CLASP1: variants seen among roughly 807,000 people sequenced by gnomAD.
The protein encoded by CLASP1 is cytoplasmic linker associated protein 1, also known as CLIP-associating protein 1.
In CLASP1, 38 loss-of-function variants were observed where a neutral mutation model predicts 192.3. The observed-to-expected ratio is 0.20, with a 90% confidence interval of 0.15 to 0.26. The LOEUF is 0.26. Among genes scored for constraint, CLASP1 ranks in the 10% least tolerant of loss-of-function variants. The pLI is 1.00. For missense variants in CLASP1, 1,433 were observed against 1,932.5 expected (o/e 0.74, Z 4.85); for synonymous variants, 691 against 712.8 (o/e 0.97, Z 0.49).
intron 2 of CLASP1, among the ~76,000 whole-genome samples, chr2:121,553,273 T>C (rs2058208883): frequency 6.6e-6 from 1 of 152,162 alleles, no homozygotes; most frequent in African/African-American, 2.4e-5. Context: ...TGAAATAATC[T>C]GTACAACAAA....
chr2:121,482,486 A>C (rs917639002), intron 8 of CLASP1, among the ~76,000 whole-genome samples: 4 of 152,218 alleles, frequency 2.6e-5, no homozygotes, highest in Non-Finnish European at 4.4e-5. Flanking sequence ...AGTGACTAAG[A>C]TCAGTCTTGA....
At chr2:121,550,066 A>T (rs973562362) in intron 2 of CLASP1, among the ~76,000 whole-genome samples, 1 of 151,884 alleles carries the variant, frequency 6.6e-6, no homozygotes, top group African/African-American at 2.4e-5. Context: ...ACCACAGCAC[A>T]TTAAAAATAG....
Position 121,456,781 on chromosome 2 carries a change from C to T in CLASP1, c.1385+906G>A, listed in dbSNP as rs181583943. 2.7e-3 allele frequency among the ~76,000 whole-genome samples: 404 copies of T among 152,168 alleles called. 1 individual carries two copies. Among genetic ancestry groups the T allele is most frequent in the African/African-American group, 9.5e-3 (396 of 41,526 alleles). On this transcript the variant is annotated intron_variant, in intron 14 of 39. Coordinates refer to ENST00000263710, the Ensembl canonical transcript of CLASP1. ...AAACGGCTGGCAAAGGTCATCTGGG[C>T]TCTAAATCTTAAGAGTGAAGGACTC...
chr2:121,594,475 C>G (rs2062871115), intron 2 of CLASP1, among the ~76,000 whole-genome samples: 1 of 151,070 alleles, frequency 6.6e-6, no homozygotes, highest in African/African-American at 2.4e-5. Context: ...TCACTGCAAC[C>G]TCCGCCTCCC....
chr2:121,590,302 G>C (rs868484593), intron 2 of CLASP1, among the ~76,000 whole-genome samples: 2 of 152,178 alleles, frequency 1.3e-5, no homozygotes, highest in African/African-American at 4.8e-5. Context: ...GCAGAAACAC[G>C]TATGTACAGG....
At position 121,460,186 on chromosome 2, in the gene CLASP1, C is replaced by G; in HGVS notation, c.1033-61G>C. The G allele has an allele frequency of 3.8e-6, 5 of 1,313,068 alleles. No individual in the cohort carries two copies. In the Admixed American group the frequency reaches 1.1e-4, roughly 29 times the overall value. 81.3% of individuals were successfully genotyped at this position (1,313,068 alleles called of 1,614,324 possible). On this transcript the variant is annotated intron_variant, in intron 11 of 39. Transcript: ENST00000263710. ...CAATTCTAACACAGACTATACACAA[C>G]AAAAGAAGTCATCAAATACAAAAGA...
Position 121,402,557 on chromosome 2 carries a change from C to G in CLASP1, c.2734-687G>C, listed in dbSNP as rs779206473. The G allele has an allele frequency of 5.8e-6, 3 of 514,518 alleles. No homozygotes were observed. The Admixed American group carries it at 5.9e-5, about 10-fold the overall frequency. The allele number at this position is 514,518 out of a possible 1,614,324, so 31.9% of individuals were successfully genotyped here. A position where few individuals can be genotyped will look rare whatever the true frequency, so the allele number is the denominator to read the frequency against. On this transcript the variant is annotated intron_variant, in intron 26 of 39. Transcript: ENST00000263710. ...GATTCCTGGCTTCACTTACAGGCAG[C>G]TAACAAATACTAACTAAACTGAGAC...
chr2:121,436,230 C>T (rs1417108578), intron 19 of CLASP1, among the ~76,000 whole-genome samples: 1 of 152,020 alleles, frequency 6.6e-6, no homozygotes, highest in East Asian at 1.9e-4. Flanking sequence ...CAGGGTTTTG[C>T]CATGTTGGCC....
chr2:121,488,781 G>A (rs1320692912), intron 8 of CLASP1, among the ~76,000 whole-genome samples: 2 of 152,150 alleles, frequency 1.3e-5, no homozygotes, highest in African/African-American at 4.8e-5. Context: ...ATTAATACAT[G>A]ATTCAGACAT....
chr2:121,531,101 G>C (rs1052418597), intron 2 of CLASP1: 5 of 649,424 alleles, frequency 7.7e-6, no homozygotes, highest in Non-Finnish European at 1.4e-5. Flanking sequence ...GGGTGCACAA[G>C]ACGCGTGGTT....
intron 11 of CLASP1, among the ~76,000 whole-genome samples, chr2:121,460,838 G>A (rs1323071191): frequency 6.6e-6 from 1 of 152,174 alleles, no homozygotes; most frequent in East Asian, 1.9e-4. Flanking sequence ...CTGCTAAGGT[G>A]AGAGTGGAGA....
At chr2:121,628,078 A>G (rs181942109) in intron 1 of CLASP1, among the ~76,000 whole-genome samples, 1 of 152,326 alleles carries the variant, frequency 6.6e-6, no homozygotes, top group Admixed American at 6.5e-5. Flanking sequence ...AAAATTTGCT[A>G]TATTTCTCAG....
intron 23 of CLASP1, among the ~76,000 whole-genome samples, chr2:121,417,078 G>A (rs961223659): frequency 7.2e-5 from 11 of 152,182 alleles, no homozygotes; most frequent in South Asian, 2.1e-4. Context: ...GAGGACCCAC[G>A]CCTTCTGCCT....
At chr2:121,548,105 T>C (rs1271791602) in intron 2 of CLASP1, among the ~76,000 whole-genome samples, 1 of 152,060 alleles carries the variant, frequency 6.6e-6, no homozygotes, top group Non-Finnish European at 1.5e-5. Flanking sequence ...AGAATATGGA[T>C]AGGAACCAAG....
At chr2:121,407,985 A>C in intron 24 of CLASP1, 2 of 535,138 alleles carry the variant, frequency 3.7e-6, no homozygotes, top group Non-Finnish European at 7.0e-6. Context: ...ACAGATCACA[A>C]CCTTGGTGCC....
At chr2:121,348,743 A>G (rs1209979870) in intron 37 of CLASP1, 25 bp from the exon 39 acceptor site, 1 of 1,557,732 alleles carries the variant, frequency 6.4e-7, no homozygotes, top group Admixed American at 1.9e-5. Context: ...TCCCCCAAAG[A>G]GTGAGCTCCA....
At chr2:121,459,161 T>TA (rs553111895) in intron 12 of CLASP1, among the ~76,000 whole-genome samples, 186 bp from the exon 13 acceptor site, 107 of 151,786 alleles carry the variant, frequency 7.0e-4, no homozygotes, top group African/African-American at 2.4e-3. Context: ...GTTTTTTTTT[T>TA]TAAAAAAAAA....
At chr2:121,489,395 T>C (rs1482395350) in intron 8 of CLASP1, among the ~76,000 whole-genome samples, 1 of 152,194 alleles carries the variant, frequency 6.6e-6, no homozygotes, top group Non-Finnish European at 1.5e-5. Context: ...AAATAAACAC[T>C]GAGCAGAAGT....
At chr2:121,497,881 G>A (rs1428366352) in intron 8 of CLASP1, among the ~76,000 whole-genome samples, 3 of 151,900 alleles carry the variant, frequency 2.0e-5, no homozygotes, top group African/African-American at 4.8e-5. Flanking sequence ...CACCACGCCC[G>A]GGCCCAGCTA....
Sources: allele counts gnomAD v4.1 joint callset (sites outside exome capture counted in the v4.1 genomes callset), GRCh38; gene constraint gnomAD v4.1.1; transcripts MANE v1.5; gene names NCBI Gene and HGNC (gene_info 2026-07-23, HGNC 2026-07-21).